The following GNPNAT1 variants were observed in gnomAD, a reference collection of about 807,000 sequenced individuals.
The protein encoded by GNPNAT1 is glucosamine 6-phosphate N-acetyltransferase.
A neutral mutation model predicts 19.8 loss-of-function variants in GNPNAT1; 11 were observed. That is an observed-to-expected ratio of 0.56 (90% confidence interval 0.35 to 0.92). The LOEUF is 0.92. GNPNAT1 is among the 40% of genes least tolerant of loss of function. GNPNAT1 has a pLI of 0.01. For synonymous variants in GNPNAT1, 71 were observed against 72.3 expected, an observed-to-expected ratio of 0.98 and a Z score of 0.09; for missense variants, 157 against 211.0, an observed-to-expected ratio of 0.74 and a Z score of 1.59.
At chr14:52,783,987 CT>C (rs1882953370) in intron 2 of GNPNAT1, among the ~76,000 whole-genome samples, 1 of 152,152 alleles carries the variant, frequency 6.6e-6, no homozygotes, top group South Asian at 2.1e-4. Flanking sequence ...AAAATCTTAA[CT>C]TTCCTACACT....
chr14:52,779,978 G>C (rs995176404), intron 5 of GNPNAT1, among the ~76,000 whole-genome samples: 5 of 152,126 alleles, frequency 3.3e-5, no homozygotes, highest in African/African-American at 1.2e-4. Flanking sequence ...TTTGAGACCA[G>C]CCTGAGCAAC....
intron 1 of GNPNAT1, among the ~76,000 whole-genome samples, chr14:52,785,223 C>T (rs566457120): frequency 5.0e-4 from 76 of 151,844 alleles, no homozygotes; most frequent in African/African-American, 1.6e-3. Flanking sequence ...CCACTGCGCC[C>T]GGCTATTATC....
At chr14:52,784,871 GC>G (rs1328742683) in intron 1 of GNPNAT1, among the ~76,000 whole-genome samples, 2 of 150,772 alleles carry the variant, frequency 1.3e-5, no homozygotes, top group Non-Finnish European at 2.9e-5. Context: ...TAAAAAAATG[GC>G]TAAGTGACTA....
At chr14:52,781,634 A>T in intron 4 of GNPNAT1, 150 bp downstream of exon 4, 1 of 671,772 alleles carries the variant, frequency 1.5e-6, no homozygotes, top group Non-Finnish European at 2.4e-6. Context: ...ACTGTTATAC[A>T]TTTTCTTTCT....
At chr14:52,779,744 A>AAAC (rs1882842183) in intron 5 of GNPNAT1, among the ~76,000 whole-genome samples, 1 of 151,008 alleles carries the variant, frequency 6.6e-6, no homozygotes, top group African/African-American at 2.4e-5. Context: ...AAAAAAAAAA[A>AAAC]AAAAAACATA....
At chr14:52,790,592 A>C (rs1277937617) in intron 1 of GNPNAT1, among the ~76,000 whole-genome samples, 1 of 152,314 alleles carries the variant, frequency 6.6e-6, no homozygotes, top group East Asian at 1.9e-4. Flanking sequence ...GTAACACAGC[A>C]AGTAAGTGAC....
rs1485383112 is a variant in GNPNAT1 at position 52,780,811 on chromosome 14, A to T, written c.346-71T>A. 3 of 882,194 alleles carry T rather than the reference A, an allele frequency of 3.4e-6. No homozygotes were observed. The African/African-American group carries it at 5.0e-5, about 15-fold the overall frequency. 54.6% of individuals were successfully genotyped at this position (882,194 alleles called of 1,614,324 possible). On this transcript the variant is annotated intron_variant, in intron 4 of 5. Coordinates refer to ENST00000216410, the MANE Select transcript of GNPNAT1 (RefSeq NM_198066.4). ...TTTTAGCTAAAACGAGTTGGTAAGA[A>T]TTTACTGATAATAAGTAGTATATTT... is the stretch of plus-strand genomic sequence containing the variant.
rs1377202111 is a variant in GNPNAT1 at position 52,775,559 on chromosome 14, G to A, written c.*2752C>T. 3.3e-5 allele frequency: 5 copies of A among 152,228 alleles called. No homozygotes were observed. The East Asian group carries it at 9.7e-4, about 29-fold the overall frequency. 9.4% of individuals were successfully genotyped at this position (152,228 alleles called of 1,614,324 possible). ...ACATGAGACACAGTAAAAATGATAA[G>A]TACCACCTCATTATACCTTTTCACA... On this transcript the variant is annotated 3_prime_UTR_variant, in exon 6 of 6. Coordinates refer to ENST00000216410, the MANE Select transcript of GNPNAT1 (RefSeq NM_198066.4).
intron 2 of GNPNAT1, 46 bp from the exon 3 acceptor site, chr14:52,783,531 A>T: frequency 7.9e-7 from 1 of 1,265,994 alleles, no homozygotes; most frequent in Non-Finnish European, 1.2e-6. Context: ...AGCAAAAGGA[A>T]GACAGTATGA....
At chr14:52,785,180 G>A (rs946881130) in intron 1 of GNPNAT1, among the ~76,000 whole-genome samples, 7 of 151,406 alleles carry the variant, frequency 4.6e-5, no homozygotes, top group African/African-American at 1.7e-4. Context: ...TGCCCGCCTC[G>A]GCCTCCCAAA....
At chr14:52,785,073 G>A (rs760669900) in intron 1 of GNPNAT1, among the ~76,000 whole-genome samples, 3 of 151,708 alleles carry the variant, frequency 2.0e-5, no homozygotes, top group South Asian at 2.1e-4. Context: ...TTATAGGCAC[G>A]TGACACCACG....
Position 52,775,253 on chromosome 14 carries a change from A to G in GNPNAT1, c.*3058T>C, listed in dbSNP as rs1424395265. 3 of 152,094 alleles carry G rather than the reference A, an allele frequency of 2.0e-5. No individual in the cohort carries two copies. Among genetic ancestry groups the G allele is most frequent in the South Asian group, 4.1e-4 (2 of 4,832 alleles). The allele number at this position is 152,094 out of a possible 1,614,324, so 9.4% of individuals were successfully genotyped here. A position where few individuals can be genotyped will look rare whatever the true frequency, so the allele number is the denominator to read the frequency against. Reference sequence around the variant, plus strand: ...TTGAGCAAGTTTGGAGTTGGAAGTGAGAGAATCGTGTTTAAAGGAAAGGGT... The same window carrying G: ...TTGAGCAAGTTTGGAGTTGGAAGTGGGAGAATCGTGTTTAAAGGAAAGGGT... On this transcript the variant is annotated 3_prime_UTR_variant, in exon 6 of 6. Coordinates refer to ENST00000216410, the MANE Select transcript of GNPNAT1 (RefSeq NM_198066.4).
intron 1 of GNPNAT1, among the ~76,000 whole-genome samples, chr14:52,789,232 C>T (rs184900282): frequency 1.0e-3 from 154 of 152,290 alleles, no homozygotes; most frequent in Non-Finnish European, 2.0e-3. Flanking sequence ...TAACAAGGAA[C>T]CCTGCATTTT....
chr14:52,784,415 T>A (rs1224819367), intron 2 of GNPNAT1, 82 bp downstream of exon 2: 5 of 1,184,364 alleles, frequency 4.2e-6, no homozygotes, highest in Non-Finnish European at 5.7e-6. Context: ...AAGTCAAATA[T>A]TTAAAAAAAA....
intron 1 of GNPNAT1, among the ~76,000 whole-genome samples, chr14:52,786,420 CTT>C (rs1443893765): frequency 1.3e-5 from 2 of 151,988 alleles, no homozygotes; most frequent in Non-Finnish European, 2.9e-5. Context: ...AGGAGAATCA[CTT>C]GAACCCAGGA....
chr14:52,779,737 A>C (rs1336787245), intron 5 of GNPNAT1, among the ~76,000 whole-genome samples: 12 of 150,670 alleles, frequency 8.0e-5, no homozygotes, highest in African/African-American at 2.9e-4. Context: ...AAAAAAAAAA[A>C]AAAAAAAAAA....
chr14:52,786,857 ATTTTTT>A (rs567085170), intron 1 of GNPNAT1, among the ~76,000 whole-genome samples: 25 of 98,678 alleles, frequency 2.5e-4, no homozygotes, highest in East Asian at 1.0e-3. Flanking sequence ...CAGGTTTTGG[ATTTTTT>A]TTTTTTTTTT....
In GNPNAT1 at chr14:52,778,467, TA is replaced by T; in HGVS notation, c.408-10del. On this transcript the variant is annotated splice_polypyrimidine_tract_variant and intron_variant, in intron 5 of 5. Coordinates refer to ENST00000216410, the MANE Select transcript of GNPNAT1 (RefSeq NM_198066.4). The stretch of plus-strand genomic sequence containing the variant: ...TAAGGGTTGATAATAACCTGAAATT[TA>T]AAAAGGGGGTAGGGTGAGGAGATAG... 2 of 1,600,168 alleles carry T rather than the reference TA, an allele frequency of 1.2e-6. No homozygotes were observed. The highest frequency in any genetic ancestry group is 1.8e-5 in the Admixed American group (1 of 56,380).
intron 1 of GNPNAT1, among the ~76,000 whole-genome samples, chr14:52,787,303 A>G (rs1883045851): frequency 6.6e-6 from 1 of 152,138 alleles, no homozygotes; most frequent in Non-Finnish European, 1.5e-5. Context: ...ATGGATAATA[A>G]GTTTCTGCCT....
Sources: allele counts gnomAD v4.1 joint callset (sites outside exome capture counted in the v4.1 genomes callset), GRCh38; gene constraint gnomAD v4.1.1; transcripts MANE v1.5; gene names NCBI Gene and HGNC (gene_info 2026-07-23, HGNC 2026-07-21).